Variants in DNM2 observed in about 807,000 individuals in gnomAD.
DNM2 encodes dynamin 2, also known as dynamin-2.
In DNM2, 15 loss-of-function variants were observed where a neutral mutation model predicts 99.0. The observed-to-expected ratio is 0.15, with a 90% CI of 0.10 to 0.23. DNM2 has a LOEUF of 0.23. Ranked by LOEUF, DNM2 falls within the 10% of genes least tolerant of loss-of-function variation. The probability of loss-of-function intolerance (pLI) is 1.00; values close to 1 mark genes in which losing one functional copy is unlikely to be tolerated. For missense variants in DNM2, 742 were observed against 1,189.4 expected, an observed-to-expected ratio of 0.62 and a Z score of 5.53; for synonymous variants, 525 against 481.2, an observed-to-expected ratio of 1.09 and a Z score of -1.19.
chr19:10,761,739 G>A (rs908587976), intron 2 of DNM2, among the ~76,000 whole-genome samples: 2 of 152,126 alleles, frequency 1.3e-5, no homozygotes, highest in Admixed American at 6.5e-5. Flanking sequence ...TGACCTCAAC[G>A]CCAGCTCTCA....
rs2071429877 is a variant in DNM2 at position 10,783,013 on chromosome 19, A to G, written c.742A>G (p.Ile248Val). The G allele has an allele frequency of 1.2e-6, 2 of 1,614,174 alleles. No homozygotes were observed. The highest frequency in any genetic ancestry group is 3.3e-5 in the Admixed American group (2 of 60,022). The change falls in exon 6 of 21, where the codon ATC (isoleucine) becomes GTC (valine). Residue 248 changes from isoleucine (I) to valine (V), a missense_variant. This residue lies in a region of DNM2 where 192 missense variants were observed against 358.9 expected (regional missense o/e 0.54). Coordinates refer to ENST00000389253, the MANE Select transcript of DNM2 (RefSeq NM_001005361.3). The part of the protein sequence containing the change: ...SQKDIEGKKD[I>V]RAALAAERKF... Reference sequence around the variant, plus strand: ...GAAGGATATTGAGGGCAAGAAGGACATCCGTGCAGCACTGGCAGCTGAGAG... The same window carrying G: ...GAAGGATATTGAGGGCAAGAAGGACGTCCGTGCAGCACTGGCAGCTGAGAG...
chr19:10,743,832 A>C (rs2069855644), intron 1 of DNM2, among the ~76,000 whole-genome samples: 9 of 149,574 alleles, frequency 6.0e-5, no homozygotes, highest in African/African-American at 2.2e-4. Flanking sequence ...AAAAAAAAAA[A>C]AAAAATTAGC....
rs2073101499 is a variant in DNM2, at chr19:10,825,182, C to T, written c.2019C>T (p.Asp673=). The T allele has an allele frequency of 6.2e-7, 1 of 1,614,180 alleles. No individual in the cohort carries two copies. The highest frequency in any genetic ancestry group is 8.5e-7 in the Non-Finnish European group (1 of 1,180,026). ...YVAIINKSIR[D]LMPKTIMHLM... ...CCATCATCAACAAGTCCATCCGCGA[C>T]CTCATGCCAAAGACCATCATGCACC... Residue 673 remains aspartate (D), a synonymous_variant, in exon 18 of 21, where the codon GAC becomes GAT. Coordinates refer to ENST00000389253, the MANE Select transcript of DNM2 (RefSeq NM_001005361.3).
Position 10,831,094 on chromosome 19 carries a change from G to C in DNM2, c.*47G>C. 1 of 1,554,486 alleles carries C rather than the reference G, an allele frequency of 6.4e-7. No homozygotes were observed. The highest frequency in any genetic ancestry group is 8.7e-7 in the Non-Finnish European group (1 of 1,149,906). The stretch of plus-strand genomic sequence containing the variant: ...CGGGGGGGCCTCACGCACCCGCGGC[G>C]CAGGAGCTTCAGTGGTCTGGGGCCC... On this transcript the variant is annotated 3_prime_UTR_variant, in exon 21 of 21. Coordinates refer to ENST00000389253, the MANE Select transcript of DNM2 (RefSeq NM_001005361.3). The surrounding 1 kb of genome is among the most constrained non-coding windows in gnomAD (Gnocchi z 4.3).
At position 10,800,497 on chromosome 19, in the gene DNM2, G is replaced by A. The variant is rs1476663134; in HGVS notation, c.1423-1791G>A. Among the ~76,000 whole-genome samples, 4 of 152,242 alleles carry A rather than the reference G, an allele frequency of 2.6e-5. No homozygotes were observed. The East Asian group carries it at 7.7e-4, about 29-fold the overall frequency. On this transcript the variant is annotated intron_variant, in intron 11 of 20. Coordinates refer to ENST00000389253, the MANE Select transcript of DNM2 (RefSeq NM_001005361.3). ...ACAGCCCCTGGTGCCCACCTGCCAT[G>A]CTGCCAGGCCGGATCTGAGAGCGCT...
At chr19:10,807,698 G>A (rs1044727811) in intron 13 of DNM2, among the ~76,000 whole-genome samples, 21 of 147,212 alleles carry the variant, frequency 1.4e-4, no homozygotes, top group African/African-American at 5.0e-4. Flanking sequence ...ACAGGAGCCT[G>A]CCACCACCCC....
Position 10,729,867 on chromosome 19 carries a change from A to AT in DNM2, c.161+11478dup, listed in dbSNP as rs766188774. Among the ~76,000 whole-genome samples the AT allele has an allele frequency of 4.3e-3, 599 of 140,674 alleles. 3 individuals are homozygous for AT. Among genetic ancestry groups the AT allele is most frequent in the South Asian group, 0.017 (77 of 4,410 alleles). 92.3% of individuals were successfully genotyped at this position (140,674 alleles called of 152,430 possible). A position where few individuals can be genotyped will look rare whatever the true frequency, so the allele number is the denominator to read the frequency against. ...ATACGTGGCACCATTATGGGTGGTT[A>AT]TTTTTTTTTTTTTTGGAACAGGTCT... On this transcript the variant is annotated intron_variant, in intron 1 of 20. Transcript: ENST00000389253.
In DNM2 at chr19:10,804,363, G is replaced by A. The variant is rs557278707; in HGVS notation, c.1494-1553G>A. Among the ~76,000 whole-genome samples the A allele has an allele frequency of 1.2e-4, 19 of 152,192 alleles. No homozygotes were observed. In the East Asian group the frequency reaches 3.5e-3, roughly 28 times the overall value. ...AATCCTTCTTGTGCTTGAATGTTCTGGGCTTCCCATTGCCCTCCAAATGTA... is the reference window on the plus strand; with the variant it reads ...AATCCTTCTTGTGCTTGAATGTTCTAGGCTTCCCATTGCCCTCCAAATGTA... On this transcript the variant is annotated intron_variant, in intron 12 of 20. Coordinates refer to ENST00000389253, the MANE Select transcript of DNM2 (RefSeq NM_001005361.3).
intron 1 of DNM2, among the ~76,000 whole-genome samples, chr19:10,724,379 A>G (rs536055600): frequency 1.2e-4 from 19 of 152,178 alleles, no homozygotes; most frequent in Middle Eastern, 3.4e-3. Flanking sequence ...GAGTTTCACC[A>G]TGTTAGCCAG....
intron 2 of DNM2, among the ~76,000 whole-genome samples, chr19:10,761,713 T>A (rs1487711522): frequency 6.6e-6 from 1 of 152,172 alleles, no homozygotes; most frequent in Non-Finnish European, 1.5e-5. Flanking sequence ...ATCTGGGACC[T>A]GCATCCAGGC....
intron 2 of DNM2, among the ~76,000 whole-genome samples, chr19:10,770,017 T>C (rs1471171463): frequency 6.6e-6 from 1 of 152,208 alleles, no homozygotes; most frequent in Non-Finnish European, 1.5e-5. Context: ...CCTTAACCCC[T>C]CTGGGCCTCA....
chr19:10,822,106 C>T (rs965109965), intron 16 of DNM2, among the ~76,000 whole-genome samples: 1 of 152,178 alleles, frequency 6.6e-6, no homozygotes, highest in African/African-American at 2.4e-5. Flanking sequence ...GCCTGTAGAC[C>T]ACCATCTGCA....
At chr19:10,809,064 C>T in intron 14 of DNM2, 1 of 157,942 alleles carries the variant, frequency 6.3e-6, no homozygotes, top group Admixed American at 6.3e-5. Context: ...GTTGATCTAG[C>T]ACTCTTTGCC....
chr19:10,768,141 G>A (rs1277147130), intron 2 of DNM2, among the ~76,000 whole-genome samples: 1 of 151,950 alleles, frequency 6.6e-6, no homozygotes, highest in African/African-American at 2.4e-5. Flanking sequence ...GAAGGATCTT[G>A]GAGGAGAGAT....
intron 18 of DNM2, 144 bp from the exon 19 acceptor site, chr19:10,828,892 T>C: frequency 1.2e-6 from 1 of 834,480 alleles, no homozygotes; most frequent in South Asian, 1.6e-5. Flanking sequence ...GCCACTGTAC[T>C]CCAGCCTGGG....
Position 10,772,183 on chromosome 19 carries a change from A to C in DNM2, c.236-296A>C, listed in dbSNP as rs761114281. On this transcript the variant is annotated intron_variant, in intron 2 of 20. Transcript: ENST00000389253. This position sits in a 1 kb window ranked among gnomAD's most constrained non-coding sequence, Gnocchi z 4.9. The stretch of plus-strand genomic sequence containing the variant: ...CAACCTCCGCCTCCCGGGTTCAAGC[A>C]ATTATCCTGCCTCAGCCTCCTGAGT... 5.9e-5 allele frequency among the ~76,000 whole-genome samples: 9 copies of C among 151,706 alleles called. No homozygotes were observed. The highest frequency in any genetic ancestry group is 1.7e-4 in the African/African-American group (7 of 41,278).
intron 2 of DNM2, among the ~76,000 whole-genome samples, chr19:10,770,824 C>T (rs570181888): frequency 1.3e-5 from 2 of 152,340 alleles, no homozygotes; most frequent in South Asian, 2.1e-4. Flanking sequence ...ATTCATTGAT[C>T]TCCCACTGGG....
At position 10,797,386 on chromosome 19, in the gene DNM2, G is replaced by A; in HGVS notation, c.1203G>A (p.Gly401=). Residue 401 remains glycine (G), a synonymous_variant, in exon 10 of 21, where the codon GGG becomes GGA. Transcript: ENST00000389253. ...AIKNIHGVRT[G]LFTPDMAFEA... is the part of the protein sequence containing the mutation. ...TGCCCTCCGCATGACCCAGGACGGG[G>A]CTCTTCACCCCCGACATGGCCTTTG... 1 of 1,612,660 alleles carries A rather than the reference G, an allele frequency of 6.2e-7. No individual in the cohort carries two copies. Among genetic ancestry groups the A allele is most frequent in the Non-Finnish European group, 8.5e-7 (1 of 1,179,990 alleles).
chr19:10,732,710 T>C (rs2069374974), intron 1 of DNM2, among the ~76,000 whole-genome samples: 1 of 150,358 alleles, frequency 6.7e-6, no homozygotes, highest in Non-Finnish European at 1.5e-5. Flanking sequence ...AGATTTTTTA[T>C]ATATATATAT....
Sources: allele counts gnomAD v4.1 joint callset (sites outside exome capture counted in the v4.1 genomes callset), GRCh38; gene constraint gnomAD v4.1.1; regional missense constraint gnomAD v4.1.1; non-coding constraint Gnocchi (gnomAD v3.1); transcripts MANE v1.5; gene names NCBI Gene and HGNC (gene_info 2026-07-23, HGNC 2026-07-21).